MATN3: variants seen among roughly 807,000 people sequenced by gnomAD.
MATN3 encodes the protein matrilin 3.
In MATN3, 48 loss-of-function variants were observed where a neutral mutation model predicts 45.3. The ratio of observed to expected loss-of-function variants is 1.06; its 90% confidence interval spans 0.84 to 1.35. The LOEUF (loss-of-function observed/expected upper bound fraction) is 1.35. Among genes scored for constraint, MATN3 ranks in the 40% most tolerant of loss-of-function variants. The probability of loss-of-function intolerance (pLI) is 0.00; values close to 1 mark genes in which losing one functional copy is unlikely to be tolerated. For synonymous variants in MATN3, 217 were observed against 245.9 expected (o/e 0.88, Z 1.10); for missense variants, 599 against 628.0 (o/e 0.95, Z 0.49).
chr2:20,002,094 A>G lies in MATN3; in HGVS notation c.917-14T>C, dbSNP rs747004867. On this transcript the variant is annotated splice_polypyrimidine_tract_variant and intron_variant, in intron 3 of 7. Transcript: ENST00000407540. ...ACCTATCAAGAGCTATCAAAAGATG[A>G]TTGGGACAAATGTAAATGCATGCAG... 1.2e-6 allele frequency: 2 copies of G among 1,608,980 alleles called. No homozygotes were observed. Among genetic ancestry groups the G allele is most frequent in the Admixed American group, 3.4e-5 (2 of 59,270 alleles).
In MATN3 at chr2:19,993,095, G is replaced by GTCC; in HGVS notation, c.*15_*16insGGA. 6.2e-7 allele frequency: 1 copy of GTCC among 1,605,708 alleles called. No individual in the cohort carries two copies. Among genetic ancestry groups the GTCC allele is most frequent in the Non-Finnish European group, 8.5e-7 (1 of 1,172,674 alleles). On this transcript the variant is annotated 3_prime_UTR_variant, in exon 8 of 8. Transcript: ENST00000407540. The stretch of plus-strand genomic sequence containing the variant: ...CACCAAGCTGTCCACATTTTCAGGT[G>GTCC]AGAAATTGGAGCAATTTAACGATGT...
intron 5 of MATN3, among the ~76,000 whole-genome samples, chr2:19,999,595 G>A (rs1558371667): frequency 7.0e-6 from 1 of 143,812 alleles, no homozygotes; most frequent in Non-Finnish European, 1.5e-5. Context: ...GAACAAAGTA[G>A]GTGTCCGGTA....
intron 6 of MATN3, among the ~76,000 whole-genome samples, chr2:19,996,045 G>A (rs371702918): frequency 4.6e-5 from 7 of 152,224 alleles, no homozygotes; most frequent in South Asian, 2.1e-4. Flanking sequence ...AGTGTCTGTC[G>A]TGCCTGATAG....
intron 1 of MATN3, among the ~76,000 whole-genome samples, chr2:20,007,572 T>C (rs1285572803): frequency 6.6e-6 from 1 of 152,230 alleles, no homozygotes; most frequent in African/African-American, 2.4e-5. Flanking sequence ...ATCTTGTATC[T>C]GTTTAGTGAG....
chr2:19,997,357 G>A, intron 5 of MATN3, 98 bp from the exon 6 acceptor site: 1 of 1,326,698 alleles, frequency 7.5e-7, no homozygotes, highest in South Asian at 1.5e-5. Flanking sequence ...GTCCCCACAA[G>A]TGCTGAGAAT....
intron 1 of MATN3, among the ~76,000 whole-genome samples, chr2:20,007,265 C>G (rs1464732346): frequency 3.3e-5 from 5 of 151,550 alleles, no homozygotes; most frequent in African/African-American, 1.2e-4. Flanking sequence ...CGGTGGCTCA[C>G]GCCTGGTAAT....
intron 7 of MATN3, 104 bp from the exon 8 acceptor site, chr2:19,993,270 T>A: frequency 6.5e-6 from 6 of 924,716 alleles, no homozygotes; most frequent in Admixed American, 2.8e-5. Context: ...CTATGAGAAG[T>A]GAAAAAAAAG....
Position 19,997,212 on chromosome 2 carries a change from C to A in MATN3, c.1216G>T (p.Val406Leu). 1 of 1,613,798 alleles carries A rather than the reference C, an allele frequency of 6.2e-7. No homozygotes were observed. The highest frequency in any genetic ancestry group is 8.5e-7 in the Non-Finnish European group (1 of 1,179,786). Residue 406 changes from valine to leucine, a missense_variant, in exon 6 of 8, where the codon GTG (valine) becomes TTG (leucine). By Grantham distance (32) the Val-to-Leu change is conservative. Transcript: ENST00000407540. ...TGGTAGGATGCGGCCCCATCACTCA[C>A]ACAAATGTGCTGGCAACCATGAGAG... ...LGSHGCQHIC[V>L]SDGAASYHCD...
chr2:20,002,796 G>A (rs1572384042), intron 3 of MATN3, among the ~76,000 whole-genome samples: 1 of 151,598 alleles, frequency 6.6e-6, no homozygotes, highest in East Asian at 1.9e-4. Flanking sequence ...GTAGAGATGG[G>A]GTCTCACCAT....
At chr2:19,997,467 C>G (rs958956153) in intron 5 of MATN3, 1 of 483,572 alleles carries the variant, frequency 2.1e-6, no homozygotes, top group Non-Finnish European at 3.7e-6. Context: ...ACACACACTC[C>G]TTTCCTTTAT....
At chr2:20,010,855 C>T (rs1378315397) in intron 1 of MATN3, among the ~76,000 whole-genome samples, 1 of 152,202 alleles carries the variant, frequency 6.6e-6, no homozygotes, top group East Asian at 1.9e-4. Context: ...AAAACTAATA[C>T]CTGAGGCTTG....
Position 19,993,144 on chromosome 2 carries a change from C to T in MATN3, c.1428G>A (p.Leu476=), listed in dbSNP as rs1196139701. The change falls in exon 8 of 8, where the codon TTG becomes TTA. Residue 476 remains leucine, a synonymous_variant. Coordinates refer to ENST00000407540, the MANE Select transcript of MATN3 (RefSeq NM_002381.5). ...NTKLDDILEK[L]KINEYGQIHR ...GTATTTGTCCATATTCATTTATTTT[C>T]AACTTCTCCAAAATGTCATCAAGTG... is the stretch of plus-strand genomic sequence containing the variant. 1.9e-6 allele frequency: 3 copies of T among 1,612,306 alleles called. No individual in the cohort carries two copies. Among genetic ancestry groups the T allele is most frequent in the Non-Finnish European group, 2.5e-6 (3 of 1,178,998 alleles).
chr2:20,003,303 A>T lies in MATN3; in HGVS notation c.791-17T>A, dbSNP rs752636552. ...GGTCCAGCGCTGTGAGAGGAAGTTT[A>T]CAACAGTCAGCACTGACACTTAGGA... On this transcript the variant is annotated splice_polypyrimidine_tract_variant and intron_variant, in intron 2 of 7. Coordinates refer to ENST00000407540, the MANE Select transcript of MATN3 (RefSeq NM_002381.5). 1.0e-5 allele frequency: 16 copies of T among 1,602,188 alleles called. No homozygotes were observed. The highest frequency in any genetic ancestry group is 1.4e-5 in the Non-Finnish European group (16 of 1,171,652).
At chr2:20,011,353 T>C (rs1041925949) in intron 1 of MATN3, among the ~76,000 whole-genome samples, 3 of 152,256 alleles carry the variant, frequency 2.0e-5, no homozygotes, top group Non-Finnish European at 2.9e-5. Flanking sequence ...CAGCTGAATC[T>C]AGCCCTGTGG....
chr2:20,005,727 A>AAG lies in MATN3; in HGVS notation c.790+15_790+16dup, dbSNP rs1161475221. 20 of 1,560,858 alleles carry AAG rather than the reference A, an allele frequency of 1.3e-5. No homozygotes were observed. Among genetic ancestry groups the AAG allele is most frequent in the Non-Finnish European group, 1.7e-5 (19 of 1,145,754 alleles). On this transcript the variant is annotated intron_variant, in intron 2 of 7. Coordinates refer to ENST00000407540, the MANE Select transcript of MATN3 (RefSeq NM_002381.5). ...ATAACATCCTTTCTAGTTGGAAGCA[A>AAG]AGACTGACCAACTTACCACAGAAGG... is the stretch of plus-strand genomic sequence containing the variant.
At chr2:20,000,381 T>G in intron 5 of MATN3, 60 bp downstream of exon 5, 1 of 1,498,764 alleles carries the variant, frequency 6.7e-7, no homozygotes, top group Non-Finnish European at 9.1e-7. Flanking sequence ...TGCTGGTGAG[T>G]TGCAAGTTGG....
At position 20,000,459 on chromosome 2, in the gene MATN3, C is replaced by T. The variant is rs1464483439; in HGVS notation, c.1150G>A (p.Asp384Asn). 1.9e-6 allele frequency: 3 copies of T among 1,605,534 alleles called. No individual in the cohort carries two copies. Among genetic ancestry groups the T allele is most frequent in the Non-Finnish European group, 2.5e-6 (3 of 1,176,982 alleles). Residue 384 changes from aspartate (D) to asparagine (N), a missense_variant, in exon 5 of 8, where the codon GAT becomes AAT. Asp to Asn is a conservative substitution (Grantham distance 23). Transcript: ENST00000407540. ...ATCTTACCTGAACATGTTTTTTTAT[C>T]TGCATTCAGAGTGTAGCCCTCATAG... is the stretch of plus-strand genomic sequence containing the variant. ...ECYEGYTLNADKKTCSVRDKC... is the reference protein window; with the variant it reads ...ECYEGYTLNANKKTCSVRDKC...
At chr2:20,006,401 G>A (rs1226143251) in intron 1 of MATN3, 91 bp from the exon 2 acceptor site, 3 of 1,001,284 alleles carry the variant, frequency 3.0e-6, no homozygotes, top group Admixed American at 5.4e-5. Flanking sequence ...GGCCAGGCAA[G>A]GCAGCATCTC....
chr2:20,001,459 T>C (rs1007478738), intron 4 of MATN3, among the ~76,000 whole-genome samples: 1 of 152,236 alleles, frequency 6.6e-6, no homozygotes, highest in Non-Finnish European at 1.5e-5. Context: ...CAGGTTTTTC[T>C]AATCTTTCCT....
Sources: allele counts gnomAD v4.1 joint callset (sites outside exome capture counted in the v4.1 genomes callset), GRCh38; gene constraint gnomAD v4.1.1; transcripts MANE v1.5; gene names NCBI Gene and HGNC (gene_info 2026-07-23, HGNC 2026-07-21).